ATIC: variants seen among roughly 807,000 people sequenced by gnomAD.
ATIC encodes 5-aminoimidazole-4-carboxamide ribonucleotide formyltransferase/IMP cyclohydrolase, also known as bifunctional purine biosynthesis protein ATIC.
In ATIC, 64 loss-of-function variants were observed where a neutral mutation model predicts 72.5. The observed-to-expected ratio is 0.88, with a 90% CI of 0.72 to 1.09. The LOEUF (loss-of-function observed/expected upper bound fraction) is 1.09, where lower values mean the gene tolerates loss of function less well. Among genes scored for constraint, ATIC ranks in the 50% least tolerant of loss-of-function variants. ATIC has a pLI of 0.00. For missense variants in ATIC, 787 were observed against 732.4 expected (o/e 1.07, Z -0.86); for synonymous variants, 281 against 267.1 (o/e 1.05, Z -0.51).
At chr2:215,343,267 A>C (rs1335169016) in intron 12 of ATIC, among the ~76,000 whole-genome samples, 1 of 151,674 alleles carries the variant, frequency 6.6e-6, no homozygotes, top group African/African-American at 2.4e-5. Context: ...TATTTGCTAC[A>C]TGTGTATCCT....
chr2:215,352,274 T>C (rs1186603298), downstream of ATIC, among the ~76,000 whole-genome samples: 1 of 152,214 alleles, frequency 6.6e-6, no homozygotes, highest in Non-Finnish European at 1.5e-5. Context: ...CACAATTTTT[T>C]CTATAAATCT....
the ATIC span, chr2:215,365,672 T>C: frequency 6.2e-7 from 1 of 1,608,036 alleles, no homozygotes; most frequent in East Asian, 2.2e-5. Flanking sequence ...GTTATTTGTA[T>C]ATTCTGACTC....
chr2:215,316,903 T>C (rs571245478), intron 2 of ATIC, among the ~76,000 whole-genome samples: 1 of 151,918 alleles, frequency 6.6e-6, no homozygotes, highest in Non-Finnish European at 1.5e-5. Context: ...GCTGGGATTA[T>C]AGGCATGCCC....
At chr2:215,357,275 T>C in the ATIC span, among the ~76,000 whole-genome samples, 2 of 152,228 alleles carry the variant, frequency 1.3e-5, no homozygotes, top group African/African-American at 4.8e-5. Flanking sequence ...GGGAGACTCC[T>C]TGGCCTTTGA....
intron 15 of ATIC, 107 bp downstream of exon 15, chr2:215,349,356 A>G (rs1439681706): frequency 6.3e-7 from 1 of 1,576,516 alleles, no homozygotes; most frequent in Non-Finnish European, 8.7e-7. Flanking sequence ...GATACAGATC[A>G]GTAATATTCA....
chr2:215,346,802 C>T lies in ATIC; in HGVS notation c.1364C>T (p.Thr455Ile), dbSNP rs768116103. ...GGACAGCAGTCTCGTATACACTGCA[C>T]TCGCCTTGCAGGAGATAAGGCAAAC... ...GAGQQSRIHCTRLAGDKANYW... is the reference protein window; with the variant it reads ...GAGQQSRIHCIRLAGDKANYW... Residue 455 changes from threonine (T) to isoleucine (I), a missense_variant, in exon 14 of 16, where the codon ACT becomes ATT. Coordinates refer to ENST00000236959, the MANE Select transcript of ATIC (RefSeq NM_004044.7). 3 of 1,614,054 alleles carry T rather than the reference C, an allele frequency of 1.9e-6. No homozygotes were observed. The highest frequency in any genetic ancestry group is 2.7e-5 in the African/African-American group (2 of 74,918).
chr2:215,365,662 G>A, the ATIC span: 1 of 1,612,294 alleles, frequency 6.2e-7, no homozygotes, highest in South Asian at 1.1e-5. Context: ...GGACCAAAAA[G>A]TTATTTGTAT....
Position 215,336,028 on chromosome 2 carries a change from T to G in ATIC, c.1009-7T>G, listed in dbSNP as rs769311776. 32 of 1,594,884 alleles carry G rather than the reference T, an allele frequency of 2.0e-5. No homozygotes were observed. Among genetic ancestry groups the G allele is most frequent in the Non-Finnish European group, 2.7e-5 (31 of 1,165,968 alleles). On this transcript the variant is annotated splice_polypyrimidine_tract_variant and splice_region_variant and intron_variant, in intron 10 of 15. Transcript: ENST00000236959. The stretch of plus-strand genomic sequence containing the variant: ...AAAATAGAAATTAAAATTTAATATT[T>G]TTGCAGGTATCTGATGGTATAATTG...
chr2:215,347,199 A>G (rs2053080768), intron 14 of ATIC: 4 of 485,100 alleles, frequency 8.2e-6, no homozygotes, highest in African/African-American at 5.8e-5. Flanking sequence ...GTAGGTTTGT[A>G]TATTTGTACT....
chr2:215,313,914 G>A (rs1269876878), intron 2 of ATIC, among the ~76,000 whole-genome samples: 1 of 152,128 alleles, frequency 6.6e-6, no homozygotes, highest in Non-Finnish European at 1.5e-5. Flanking sequence ...CCAGACCTGC[G>A]TGCTTTCCAT....
intron 2 of ATIC, among the ~76,000 whole-genome samples, chr2:215,314,086 C>G (rs1304318518): frequency 6.6e-6 from 1 of 152,100 alleles, no homozygotes; most frequent in African/African-American, 2.4e-5. Flanking sequence ...TATCTGTCAC[C>G]CACTTTAGGT....
At chr2:215,314,977 T>G (rs1255033684) in intron 2 of ATIC, among the ~76,000 whole-genome samples, 1 of 152,164 alleles carries the variant, frequency 6.6e-6, no homozygotes, top group Non-Finnish European at 1.5e-5. Context: ...AACCATCCAT[T>G]TTTATGTTTA....
At chr2:215,321,759 GT>G (rs2052769996) in intron 4 of ATIC, among the ~76,000 whole-genome samples, 1 of 152,154 alleles carries the variant, frequency 6.6e-6, no homozygotes, top group Admixed American at 6.5e-5. Context: ...CTAGCCAGTT[GT>G]TTACCTCCTT....
intron 7 of ATIC, among the ~76,000 whole-genome samples, chr2:215,327,528 C>T (rs774973386): frequency 2.6e-5 from 4 of 152,142 alleles, no homozygotes; most frequent in African/African-American, 4.8e-5. Context: ...AGGACTTTCT[C>T]TGGGTTTGTA....
intron 4 of ATIC, among the ~76,000 whole-genome samples, chr2:215,324,869 A>G (rs138712432): frequency 9.2e-5 from 14 of 152,338 alleles, no homozygotes; most frequent in Non-Finnish European, 8.8e-5. Context: ...ATCACATTCC[A>G]AAATGAGAAT....
At chr2:215,367,575 C>T in the ATIC span, 1 of 427,786 alleles carries the variant, frequency 2.3e-6, no homozygotes. Flanking sequence ...AAGTCTTTAT[C>T]CATTTGTTTT....
chr2:215,314,848 C>A (rs1026528761), intron 2 of ATIC, among the ~76,000 whole-genome samples: 1 of 151,902 alleles, frequency 6.6e-6, no homozygotes, highest in Non-Finnish European at 1.5e-5. Flanking sequence ...GTAAACGTCA[C>A]GGCCAATATT....
intron 4 of ATIC, among the ~76,000 whole-genome samples, chr2:215,321,232 A>G (rs1191881628): frequency 2.0e-5 from 3 of 152,096 alleles, no homozygotes; most frequent in East Asian, 1.9e-4. Context: ...GAATCTAACA[A>G]TATATGGTTT....
intron 13 of ATIC, among the ~76,000 whole-genome samples, chr2:215,346,219 T>G (rs1453125013): frequency 1.3e-5 from 2 of 152,174 alleles, no homozygotes; most frequent in East Asian, 3.9e-4. Flanking sequence ...CAGAGTACAG[T>G]GACATGATCA....
Sources: gnomAD v4.1 joint callset for allele counts (sites outside exome capture counted in the v4.1 genomes callset) on GRCh38, gnomAD v4.1.1 for gene constraint, MANE v1.5 for transcripts, NCBI Gene and HGNC (gene_info 2026-07-23, HGNC 2026-07-21) for gene names.